The following CTDP1 variants were observed in gnomAD, a reference collection of about 807,000 sequenced individuals.
CTDP1 encodes CTD phosphatase 1, also known as RNA polymerase II subunit A C-terminal domain phosphatase.
CTDP1 carries 47 observed loss-of-function variants against 91.8 expected under a neutral mutation model. The observed-to-expected ratio is 0.51, with a 90% CI of 0.41 to 0.65. The LOEUF (loss-of-function observed/expected upper bound fraction) is 0.65, where lower values mean the gene tolerates loss of function less well. Among genes scored for constraint, CTDP1 ranks in the 30% least tolerant of loss-of-function variants. The probability of loss-of-function intolerance (pLI) is 0.00; values close to 1 mark genes in which losing one functional copy is unlikely to be tolerated. For missense variants in CTDP1, 1,272 were observed against 1,373.7 expected (o/e 0.93, Z 1.17); for synonymous variants, 656 against 598.5 (o/e 1.10, Z -1.40).
intron 5 of CTDP1, 109 bp downstream of exon 5, chr18:79,705,026 G>C: frequency 6.5e-7 from 1 of 1,530,920 alleles, no homozygotes; most frequent in Non-Finnish European, 8.9e-7. Context: ...CTGCAACTCA[G>C]TTGTAGTCTT....
rs893198997 is a variant in CTDP1 at position 79,714,966 on chromosome 18, C to A, written c.1506C>A (p.Ser502=). The change falls in exon 8 of 13, where the codon TCC becomes TCA. Residue 502 remains serine (S), a synonymous_variant. Transcript: ENST00000613122. ...CCGGGGCGCTGGCACAGGGCAGTTC[C>A]CTGGAGCCGGGGCGGCCTGCAGCAC... ...EGAGALAQGS[S]LEPGRPAAPS... 6.4e-7 allele frequency: 1 copy of A among 1,568,258 alleles called. No homozygotes were observed. The highest frequency in any genetic ancestry group is 8.6e-7 in the Non-Finnish European group (1 of 1,157,310).
At chr18:79,736,070 A>G (rs930318264) in intron 11 of CTDP1, 2 of 505,838 alleles carry the variant, frequency 4.0e-6, no homozygotes, top group African/African-American at 1.9e-5. Flanking sequence ...CCAACAGTGC[A>G]CCAGGAATAA....
intron 1 of CTDP1, among the ~76,000 whole-genome samples, chr18:79,684,446 A>G (rs528231507): frequency 5.3e-4 from 80 of 152,336 alleles, no homozygotes; most frequent in Middle Eastern, 6.8e-3. Flanking sequence ...ACCTCCCTCT[A>G]TAAATAGCAG....
At chr18:79,744,918 C>T (rs1305472114) in intron 12 of CTDP1, among the ~76,000 whole-genome samples, 1 of 152,210 alleles carries the variant, frequency 6.6e-6, no homozygotes, top group Admixed American at 6.5e-5. Flanking sequence ...GGACGCACAT[C>T]GTGCTTCAGA....
intron 4 of CTDP1, 76 bp from the exon 5 acceptor site, chr18:79,704,691 C>G: frequency 6.3e-7 from 1 of 1,579,344 alleles, no homozygotes; most frequent in Non-Finnish European, 8.7e-7. Context: ...GGATGCCTGT[C>G]TCGGGCACAC....
intron 6 of CTDP1, among the ~76,000 whole-genome samples, chr18:79,710,782 G>A (rs1278807820): frequency 2.1e-5 from 3 of 140,876 alleles, no homozygotes; most frequent in African/African-American, 2.7e-5. Flanking sequence ...TCCTGACCTC[G>A]TGATCTTCCC....
Position 79,714,676 on chromosome 18 carries a change from A to T in CTDP1, c.1216A>T (p.Ile406Phe). Residue 406 changes from isoleucine (I) to phenylalanine (F), a missense_variant, in exon 8 of 13, where the codon ATC (isoleucine) becomes TTC (phenylalanine). Physicochemically the swap from Ile to Phe is conservative, Grantham distance 21. Around this residue, in one of 3 missense-constraint regions of CTDP1, gnomAD observed 881 missense variants for 911.6 expected, o/e 0.97. Coordinates refer to ENST00000613122, the MANE Select transcript of CTDP1 (RefSeq NM_004715.5). Reference protein sequence around the residue: ...PRPGKPDERDIWPPAQAPTSS... With the variant: ...PRPGKPDERDFWPPAQAPTSS... ...CCCCGGGAAGCCAGACGAGAGGGAC[A>T]TCTGGCCCCCTGCCCAGGCCCCCAC... The T allele has an allele frequency of 6.2e-7, 1 of 1,611,402 alleles. No individual in the cohort carries two copies. The highest frequency in any genetic ancestry group is 8.5e-7 in the Non-Finnish European group (1 of 1,179,270).
At chr18:79,730,106 T>A (rs1306711180) in intron 11 of CTDP1, among the ~76,000 whole-genome samples, 1 of 152,242 alleles carries the variant, frequency 6.6e-6, no homozygotes, top group Non-Finnish European at 1.5e-5. Context: ...AGACGCCAGT[T>A]TATCTTGTGA....
intron 1 of CTDP1, among the ~76,000 whole-genome samples, chr18:79,693,350 T>C (rs1424826170): frequency 6.6e-6 from 1 of 152,164 alleles, no homozygotes; most frequent in African/African-American, 2.4e-5. Flanking sequence ...CATTGTAAAG[T>C]ATTTTGATAA....
chr18:79,713,695 A>G lies in CTDP1; in HGVS notation c.1030+557A>G, dbSNP rs1265018142. On this transcript the variant is annotated intron_variant, in intron 7 of 12. Coordinates refer to ENST00000613122, the MANE Select transcript of CTDP1 (RefSeq NM_004715.5). The surrounding 1 kb of genome is among the most constrained non-coding windows in gnomAD (Gnocchi z 4.7). ...TTATTGCTGTAGTCACTAAAATGGA[A>G]CTTGGAGGTTAGGACCAGGGGAGGG... 6.6e-6 allele frequency among the ~76,000 whole-genome samples: 1 copy of G among 152,252 alleles called. No homozygotes were observed. Among genetic ancestry groups the G allele is most frequent in the African/African-American group, 2.4e-5 (1 of 41,466 alleles).
intron 4 of CTDP1, among the ~76,000 whole-genome samples, chr18:79,698,494 G>T (rs2085792917): frequency 6.6e-6 from 1 of 152,144 alleles, no homozygotes; most frequent in Non-Finnish European, 1.5e-5. Context: ...GGAAATGCAG[G>T]GTGAGGGCAG....
intron 5 of CTDP1, among the ~76,000 whole-genome samples, 189 bp downstream of exon 5, chr18:79,705,106 C>T (rs369631321): frequency 7.2e-5 from 11 of 152,228 alleles, no homozygotes; most frequent in Non-Finnish European, 1.6e-4. Flanking sequence ...TGGGTGGGGC[C>T]GCGGCTGCTC....
chr18:79,700,628 T>G (rs1327949165), intron 4 of CTDP1, among the ~76,000 whole-genome samples: 1 of 152,198 alleles, frequency 6.6e-6, no homozygotes, highest in African/African-American at 2.4e-5. Flanking sequence ...AACACAAAAG[T>G]GAAGGTGAAG....
In CTDP1 at chr18:79,717,635, G is replaced by C. The variant is rs757636047; in HGVS notation, c.2169G>C (p.Glu723Asp). The C allele has an allele frequency of 1.9e-6, 3 of 1,614,018 alleles. No individual in the cohort carries two copies. The highest frequency in any genetic ancestry group is 2.5e-6 in the Non-Finnish European group (3 of 1,179,970). The part of the protein sequence containing the change: ...SCLERWDKVE[E>D]QLFPLRDDHT... ...TGGAGCGCTGGGACAAGGTGGAGGAGCAGCTCTTCCCGCTCAGGGACGATC... is the reference window on the plus strand; with the variant it reads ...TGGAGCGCTGGGACAAGGTGGAGGACCAGCTCTTCCCGCTCAGGGACGATC... The change falls in exon 9 of 13, where the codon GAG becomes GAC. Residue 723 changes from glutamate (E) to aspartate (D), a missense_variant. By Grantham distance (45) the Glu-to-Asp change is conservative. This residue lies in a region of CTDP1 where 881 missense variants were observed against 911.6 expected (regional missense o/e 0.97). Coordinates refer to ENST00000613122, the MANE Select transcript of CTDP1 (RefSeq NM_004715.5).
intron 12 of CTDP1, among the ~76,000 whole-genome samples, chr18:79,738,519 A>G: frequency 6.6e-6 from 1 of 152,238 alleles, no homozygotes; most frequent in East Asian, 1.9e-4. Flanking sequence ...GGGGCACTCC[A>G]GGTACACGTC....
At chr18:79,746,876 C>T (rs576525794) in intron 12 of CTDP1, among the ~76,000 whole-genome samples, 5 of 152,170 alleles carry the variant, frequency 3.3e-5, no homozygotes, top group South Asian at 2.1e-4. Context: ...GCGATCCTCC[C>T]GCCTCAGCCT....
At chr18:79,722,932 G>A (rs1568203302) in intron 10 of CTDP1, among the ~76,000 whole-genome samples, 1 of 152,170 alleles carries the variant, frequency 6.6e-6, no homozygotes, top group Non-Finnish European at 1.5e-5. Context: ...CCATCTTGGA[G>A]GAACAGTAGA....
At position 79,722,582 on chromosome 18, in the gene CTDP1, G is replaced by A. The variant is rs533039620; in HGVS notation, c.2417+4566G>A. ...GCAGCGTTGTTGTGGCTGCAGCAGC[G>A]GGCCCCCTGGTCTGGGTGATTGCAG... On this transcript the variant is annotated intron_variant, in intron 10 of 12. Coordinates refer to ENST00000613122, the MANE Select transcript of CTDP1 (RefSeq NM_004715.5). Among the ~76,000 whole-genome samples, 15 of 152,292 alleles carry A rather than the reference G, an allele frequency of 9.8e-5. No homozygotes were observed. The South Asian group carries it at 2.5e-3, about 25-fold the overall frequency.
intron 1 of CTDP1, among the ~76,000 whole-genome samples, chr18:79,688,374 C>T (rs988293682): frequency 1.4e-4 from 21 of 152,386 alleles, no homozygotes; most frequent in African/African-American, 4.8e-4. Flanking sequence ...AAGCGATTCT[C>T]CTGCCTCGGC....
Sources: gnomAD v4.1 joint callset for allele counts (sites outside exome capture counted in the v4.1 genomes callset) on GRCh38, gnomAD v4.1.1 for gene constraint, gnomAD v4.1.1 regional missense constraint, Gnocchi (gnomAD v3.1) non-coding constraint, MANE v1.5 for transcripts, NCBI Gene and HGNC (gene_info 2026-07-23, HGNC 2026-07-21) for gene names.